RBFOX3: variants seen among roughly 807,000 people sequenced by gnomAD.
RBFOX3 encodes RNA binding fox-1 homolog 3, also known as RNA binding protein fox-1 homolog 3.
RBFOX3 carries 17 observed loss-of-function variants against 48.7 expected under a neutral mutation model. The ratio of observed to expected loss-of-function variants is 0.35; its 90% confidence interval spans 0.24 to 0.52. The LOEUF is 0.52. Ranked by LOEUF, RBFOX3 falls within the 20% of genes least tolerant of loss-of-function variation. The probability of loss-of-function intolerance (pLI) is 0.94; values close to 1 mark genes in which losing one functional copy is unlikely to be tolerated. For synonymous variants in RBFOX3, 212 were observed against 209.5 expected, an observed-to-expected ratio of 1.01 and a Z score of -0.10; for missense variants, 382 against 497.5, an observed-to-expected ratio of 0.77 and a Z score of 2.21.
chr17:79,581,598 G>GC (rs1369299338), intron 1 of RBFOX3, among the ~76,000 whole-genome samples: 1 of 152,208 alleles, frequency 6.6e-6, no homozygotes, highest in Non-Finnish European at 1.5e-5. Context: ...GGCCTGCCTT[G>GC]CCCCGAGGCT....
At position 79,471,073 on chromosome 17, in the gene RBFOX3, A is replaced by T. The variant is rs989998293; in HGVS notation, c.-175+11381T>A. Among the ~76,000 whole-genome samples, 10 of 152,170 alleles carry T rather than the reference A, an allele frequency of 6.6e-5. No homozygotes were observed. Among genetic ancestry groups the T allele is most frequent in the African/African-American group, 2.4e-4 (10 of 41,448 alleles). On this transcript the variant is annotated intron_variant, in intron 2 of 14. Coordinates refer to ENST00000693108, the MANE Select transcript of RBFOX3 (RefSeq NM_001350451.2). This position sits in a 1 kb window ranked among gnomAD's most constrained non-coding sequence, Gnocchi z 4.0. ...TATTCACTGAAGGAGAAAAAACAGA[A>T]TTAACTGCTTCATAGACAGTCAAAA...
rs1351327616 is a variant in RBFOX3, at chr17:79,480,610, GC to G, written c.-175+1843del. On this transcript the variant is annotated intron_variant, in intron 2 of 14. Coordinates refer to ENST00000693108, the MANE Select transcript of RBFOX3 (RefSeq NM_001350451.2). The surrounding 1 kb of genome is among the most constrained non-coding windows in gnomAD (Gnocchi z 4.8). ...ACAGCCCCCGGACCCCGTGATGCCA[GC>G]CCCTCCTGCTACTTCTCCAGCATGC... Among the ~76,000 whole-genome samples, 2 of 152,114 alleles carry G rather than the reference GC, an allele frequency of 1.3e-5. No individual in the cohort carries two copies. Among genetic ancestry groups the G allele is most frequent in the Non-Finnish European group, 2.9e-5 (2 of 68,012 alleles).
intron 4 of RBFOX3, among the ~76,000 whole-genome samples, chr17:79,209,135 G>C (rs1375498068): frequency 6.6e-6 from 1 of 151,904 alleles, no homozygotes; most frequent in Non-Finnish European, 1.5e-5. Context: ...TGCTCTTTCT[G>C]TACGTGCCCA....
intron 3 of RBFOX3, among the ~76,000 whole-genome samples, chr17:79,268,291 C>T (rs531546642): frequency 1.3e-5 from 2 of 152,242 alleles, no homozygotes; most frequent in East Asian, 3.9e-4. Context: ...TCCCAGCCCA[C>T]CTTGCCTCAC....
intron 1 of RBFOX3, among the ~76,000 whole-genome samples, chr17:79,595,995 T>C (rs1770762841): frequency 6.6e-6 from 1 of 152,196 alleles, no homozygotes; most frequent in East Asian, 1.9e-4. Context: ...GGGTCACACA[T>C]CTGGAGGAGC....
chr17:79,616,658 G>A, the RBFOX3 span, among the ~76,000 whole-genome samples: 14 of 151,744 alleles, frequency 9.2e-5, no homozygotes, highest in African/African-American at 3.4e-4. Context: ...TGTTGTATGT[G>A]TCGGATCTCC....
At chr17:79,267,071 A>AG (rs2066832873) in intron 3 of RBFOX3, among the ~76,000 whole-genome samples, 1 of 152,134 alleles carries the variant, frequency 6.6e-6, no homozygotes, top group Admixed American at 6.5e-5. Context: ...CTTGGAAGTT[A>AG]GGGTGGTCTT....
intron 4 of RBFOX3, among the ~76,000 whole-genome samples, chr17:79,157,768 A>C (rs2046143640): frequency 1.3e-5 from 2 of 152,122 alleles, no homozygotes; most frequent in African/African-American, 4.8e-5. Flanking sequence ...CCAGCTCGGC[A>C]CATGCTGGCC....
At chr17:79,401,294 CA>C (rs1228227478) in intron 2 of RBFOX3, among the ~76,000 whole-genome samples, 1 of 152,244 alleles carries the variant, frequency 6.6e-6, no homozygotes, top group Non-Finnish European at 1.5e-5. Context: ...CGCTGCTGCT[CA>C]CGCGCCCCAC....
intron 2 of RBFOX3, among the ~76,000 whole-genome samples, chr17:79,352,145 C>T (rs963333115): frequency 6.6e-6 from 1 of 152,138 alleles, no homozygotes; most frequent in African/African-American, 2.4e-5. Context: ...GCTCTGTGTC[C>T]CCACCCAAAT....
chr17:79,325,340 T>C (rs2079142245), intron 2 of RBFOX3, among the ~76,000 whole-genome samples: 1 of 152,112 alleles, frequency 6.6e-6, no homozygotes, highest in Non-Finnish European at 1.5e-5. Flanking sequence ...TCAAATGTGG[T>C]GGGAAATTTG....
chr17:79,502,844 T>G (rs1193478065), intron 1 of RBFOX3, among the ~76,000 whole-genome samples: 9 of 152,162 alleles, frequency 5.9e-5, no homozygotes, highest in African/African-American at 9.7e-5. Context: ...CCAGCAGGCT[T>G]GCAAGGAGGG....
intron 4 of RBFOX3, among the ~76,000 whole-genome samples, chr17:79,188,355 C>T (rs1355397596): frequency 1.3e-5 from 2 of 152,228 alleles, no homozygotes; most frequent in Non-Finnish European, 2.9e-5. Context: ...GTCCCCCTGG[C>T]CCCAGCAGAG....
intron 2 of RBFOX3, among the ~76,000 whole-genome samples, chr17:79,334,610 G>A (rs571513170): frequency 6.6e-6 from 1 of 152,296 alleles, no homozygotes; most frequent in African/African-American, 2.4e-5. Flanking sequence ...ACCATTTCAG[G>A]AGGCTCATGG....
At chr17:79,593,407 G>A (rs2093478084) in intron 1 of RBFOX3, among the ~76,000 whole-genome samples, 1 of 152,246 alleles carries the variant, frequency 6.6e-6, no homozygotes, top group South Asian at 2.1e-4. Flanking sequence ...TGCAAAGATT[G>A]CTTTTTTAAC....
the RBFOX3 span, among the ~76,000 whole-genome samples, chr17:79,638,295 A>C: frequency 7.3e-6 from 1 of 137,212 alleles, no homozygotes; most frequent in African/African-American, 2.7e-5. Flanking sequence ...AATTAACAAA[A>C]CTGAGTTGGT....
intron 1 of RBFOX3, among the ~76,000 whole-genome samples, chr17:79,561,947 C>T (rs1218222304): frequency 6.6e-6 from 1 of 152,124 alleles, no homozygotes; most frequent in African/African-American, 2.4e-5. Context: ...GCTGGGTGGG[C>T]AGCAGAAGAG....
Position 79,326,173 on chromosome 17 carries a change from G to A in RBFOX3, c.-174-18349C>T, listed in dbSNP as rs531976192. 3.9e-5 allele frequency among the ~76,000 whole-genome samples: 6 copies of A among 152,286 alleles called. No homozygotes were observed. In the East Asian group the frequency reaches 5.8e-4, roughly 15 times the overall value. ...TTGGGGGTAAGGGCATCAGGAGGCC[G>A]GGGATGGGGGTGGATGGTGGTGGGC... On this transcript the variant is annotated intron_variant, in intron 2 of 14. Transcript: ENST00000693108.
intron 2 of RBFOX3, among the ~76,000 whole-genome samples, chr17:79,398,324 C>G (rs997104981): frequency 1.3e-5 from 2 of 152,108 alleles, no homozygotes; most frequent in African/African-American, 4.8e-5. Flanking sequence ...CAATTTGCAC[C>G]ACGGTTTCAG....
Sources: allele counts gnomAD v4.1 joint callset (sites outside exome capture counted in the v4.1 genomes callset), GRCh38; gene constraint gnomAD v4.1.1; non-coding constraint Gnocchi (gnomAD v3.1); transcripts MANE v1.5; gene names NCBI Gene and HGNC (gene_info 2026-07-23, HGNC 2026-07-21).